Variants in FAM78B observed in about 807,000 individuals in gnomAD.
FAM78B encodes the protein protein FAM78B.
FAM78B carries 10 observed loss-of-function variants against 20.0 expected under a neutral mutation model. That is an observed-to-expected ratio of 0.50 (90% CI 0.31 to 0.85). The LOEUF (loss-of-function observed/expected upper bound fraction) is 0.85. Ranked by LOEUF, FAM78B falls within the 40% of genes least tolerant of loss-of-function variation. The probability of loss-of-function intolerance (pLI) is 0.05; values close to 1 mark genes in which losing one functional copy is unlikely to be tolerated. For missense variants in FAM78B, 283 were observed against 345.0 expected (o/e 0.82, Z 1.42); for synonymous variants, 135 against 132.8 (o/e 1.02, Z -0.12).
chr1:166,131,672 T>A (rs1292412431), intron 1 of FAM78B, among the ~76,000 whole-genome samples: 1 of 152,152 alleles, frequency 6.6e-6, no homozygotes, highest in Non-Finnish European at 1.5e-5. Flanking sequence ...GAGAACTATC[T>A]AAAAGGGCAC....
chr1:166,083,975 C>T (rs1355295107), intron 1 of FAM78B, among the ~76,000 whole-genome samples: 1 of 151,928 alleles, frequency 6.6e-6, no homozygotes, highest in Non-Finnish European at 1.5e-5. Context: ...TCATTTCCTC[C>T]CTTTACGCAA....
exon 3 of FAM78B, chr1:166,058,783 C>T (rs922460604): frequency 6.6e-6 from 1 of 152,518 alleles, no homozygotes; most frequent in Non-Finnish European, 1.5e-5. Context: ...CACACATTTA[C>T]TCATACCCAG....
chr1:166,065,576 G>A (rs1335628733), downstream of FAM78B, among the ~76,000 whole-genome samples: 2 of 152,126 alleles, frequency 1.3e-5, no homozygotes, highest in African/African-American at 2.4e-5. Context: ...GGGAATTTTA[G>A]GACCCTAAGG....
rs896508669 is a variant in FAM78B, at chr1:166,091,822, T to C, written c.264-21059A>G. 2.0e-5 allele frequency among the ~76,000 whole-genome samples: 3 copies of C among 152,342 alleles called. No individual in the cohort carries two copies. The East Asian group carries it at 5.8e-4, about 29-fold the overall frequency. ...CAATAATGCTATGAAATAGGTATTA[T>C]GTCCTCTACCTTAAAAACAAGGAAA... On this transcript the variant is annotated intron_variant, in intron 1 of 1. Transcript: ENST00000354422.
chr1:166,111,509 A>C (rs1468015222), intron 1 of FAM78B, among the ~76,000 whole-genome samples: 1 of 152,228 alleles, frequency 6.6e-6, no homozygotes, highest in Middle Eastern at 3.2e-3. Context: ...ATTCGCAGAC[A>C]GTGTCCTTGC....
At chr1:166,073,593 T>C (rs1217829294) in intron 1 of FAM78B, among the ~76,000 whole-genome samples, 1 of 151,950 alleles carries the variant, frequency 6.6e-6, no homozygotes, top group Non-Finnish European at 1.5e-5. Flanking sequence ...GACTAGTTTA[T>C]GTAGCTGATA....
intron 1 of FAM78B, among the ~76,000 whole-genome samples, chr1:166,129,352 C>G (rs1479536208): frequency 1.3e-5 from 2 of 152,236 alleles, no homozygotes; most frequent in Non-Finnish European, 2.9e-5. Flanking sequence ...ACCAAAGCCC[C>G]AGGCTGAGTT....
intron 1 of FAM78B, among the ~76,000 whole-genome samples, chr1:166,106,350 A>G (rs574777389): frequency 5.9e-5 from 6 of 102,128 alleles, no homozygotes; most frequent in Non-Finnish European, 1.3e-4. Context: ...AAACTTAAAT[A>G]AAAAAAAAAG....
chr1:166,158,026 C>T (rs570054836), intron 1 of FAM78B, among the ~76,000 whole-genome samples: 107 of 152,320 alleles, frequency 7.0e-4, no homozygotes, highest in African/African-American at 2.5e-3. Context: ...CACATGATCT[C>T]AGAGCAACTT....
chr1:166,075,385 A>G (rs1254754694), intron 1 of FAM78B, among the ~76,000 whole-genome samples: 1 of 152,170 alleles, frequency 6.6e-6, no homozygotes, highest in Non-Finnish European at 1.5e-5. Context: ...AGAATAAATA[A>G]ACAAAAAGAA....
At chr1:166,081,778 C>T (rs893013259) in intron 1 of FAM78B, among the ~76,000 whole-genome samples, 3 of 152,156 alleles carry the variant, frequency 2.0e-5, no homozygotes, top group African/African-American at 7.2e-5. Context: ...AGGTAGAGGT[C>T]AGCAGGCCTC....
At chr1:166,078,927 G>GTTT (rs11345450) in intron 1 of FAM78B, among the ~76,000 whole-genome samples, 19 of 135,356 alleles carry the variant, frequency 1.4e-4, no homozygotes, top group Non-Finnish European at 1.4e-4. Flanking sequence ...GGCCTTACAT[G>GTTT]TTTTTTTTTT....
At chr1:166,141,277 G>A (rs1205630040) in intron 1 of FAM78B, among the ~76,000 whole-genome samples, 1 of 152,218 alleles carries the variant, frequency 6.6e-6, no homozygotes, top group Admixed American at 6.5e-5. Flanking sequence ...TGCATGTACA[G>A]TGAGACAAAT....
At chr1:166,095,588 C>T (rs1170397793) in intron 1 of FAM78B, among the ~76,000 whole-genome samples, 1 of 152,128 alleles carries the variant, frequency 6.6e-6, no homozygotes, top group African/African-American at 2.4e-5. Flanking sequence ...GCGTTATGGC[C>T]AGCCCCTCCA....
At chr1:166,065,053 G>C (rs1651748452), downstream of FAM78B, among the ~76,000 whole-genome samples, 1 of 152,176 alleles carries the variant, frequency 6.6e-6, no homozygotes, top group African/African-American at 2.4e-5. Context: ...TGGGCCACCT[G>C]AACCCTGACT....
intron 1 of FAM78B, among the ~76,000 whole-genome samples, chr1:166,082,421 G>A (rs1487191877): frequency 2.6e-5 from 4 of 152,094 alleles, no homozygotes; most frequent in Non-Finnish European, 5.9e-5. Flanking sequence ...TCCCAGGCTG[G>A]TCTTGAACTC....
At chr1:166,064,712 G>T (rs948466251), downstream of FAM78B, among the ~76,000 whole-genome samples, 13 of 152,160 alleles carry the variant, frequency 8.5e-5, no homozygotes, top group Admixed American at 2.6e-4. Flanking sequence ...GAGGCCAGAG[G>T]GCCTGCCATC....
chr1:166,152,673 T>C (rs1401765175), intron 1 of FAM78B, among the ~76,000 whole-genome samples: 1 of 150,346 alleles, frequency 6.7e-6, no homozygotes, highest in Non-Finnish European at 1.5e-5. Flanking sequence ...TATTTATTTA[T>C]TTATTTATTT....
chr1:166,089,579 G>A (rs921953675), intron 1 of FAM78B, among the ~76,000 whole-genome samples: 1 of 152,112 alleles, frequency 6.6e-6, no homozygotes, highest in Non-Finnish European at 1.5e-5. Context: ...GATTTCAGAG[G>A]GGCAGCCATG....
Sources: gnomAD v4.1 joint callset for allele counts (sites outside exome capture counted in the v4.1 genomes callset) on GRCh38, gnomAD v4.1.1 for gene constraint, MANE v1.5 for transcripts, NCBI Gene and HGNC (gene_info 2026-07-23, HGNC 2026-07-21) for gene names.